The following CDC73 variants were observed in gnomAD, a reference collection of about 807,000 sequenced individuals.
CDC73 encodes the protein cell division cycle 73.
CDC73 carries 21 observed loss-of-function variants against 83.7 expected under a neutral mutation model. The observed-to-expected ratio is 0.25, with a 90% confidence interval of 0.18 to 0.36. The LOEUF (loss-of-function observed/expected upper bound fraction) is 0.36, where lower values mean the gene tolerates loss of function less well. CDC73 is among the 10% of genes least tolerant of loss of function. The pLI, the probability that CDC73 is intolerant of heterozygous loss-of-function variation, is 1.00. For synonymous variants in CDC73, 224 were observed against 212.9 expected, an observed-to-expected ratio of 1.05 and a Z score of -0.45; for missense variants, 342 against 653.3, an observed-to-expected ratio of 0.52 and a Z score of 5.19.
Position 193,147,142 on chromosome 1 carries a change from A to G in CDC73, c.730-725A>G, listed in dbSNP as rs186128685. On this transcript the variant is annotated intron_variant, in intron 7 of 16. Transcript: ENST00000367435. ...CAAGTAGCTGACACTATAGGTGTCC[A>G]CCACCACGCCCAGCTAATTTTTTGT... Among the ~76,000 whole-genome samples, 275 of 151,654 alleles carry G rather than the reference A, an allele frequency of 1.8e-3. 1 individual carries two copies. Among genetic ancestry groups the G allele is most frequent in the African/African-American group, 6.4e-3 (263 of 41,338 alleles).
At chr1:193,148,590 C>T (rs1266898551) in intron 8 of CDC73, among the ~76,000 whole-genome samples, 2 of 143,792 alleles carry the variant, frequency 1.4e-5, no homozygotes, top group African/African-American at 5.2e-5. Context: ...GAAATTGTTT[C>T]TATTTTCTGC....
Position 193,252,035 on chromosome 1 carries a change from C to G in CDC73, c.*1323C>G, listed in dbSNP as rs1291584115. 4.3e-6 allele frequency: 1 copy of G among 231,160 alleles called. No homozygotes were observed. Among genetic ancestry groups the G allele is most frequent in the Non-Finnish European group, 8.6e-6 (1 of 116,898 alleles). 14.3% of individuals were successfully genotyped at this position (231,160 alleles called of 1,614,324 possible). A position where few individuals can be genotyped will look rare whatever the true frequency, so the allele number is the denominator to read the frequency against. On this transcript the variant is annotated 3_prime_UTR_variant, in exon 17 of 17. Coordinates refer to ENST00000367435, the MANE Select transcript of CDC73 (RefSeq NM_024529.5). Reference sequence around the variant, plus strand: ...TAGGTATTAAGCTGACATTATCTAGCTTCTTAATGAAATTTAACACTGTCA... The same window carrying G: ...TAGGTATTAAGCTGACATTATCTAGGTTCTTAATGAAATTTAACACTGTCA...
intron 10 of CDC73, among the ~76,000 whole-genome samples, chr1:193,159,765 T>G (rs1377126811): frequency 6.6e-6 from 1 of 152,226 alleles, no homozygotes; most frequent in East Asian, 1.9e-4. Flanking sequence ...TTATACTGAA[T>G]AATACAGATA....
intron 2 of CDC73, among the ~76,000 whole-genome samples, chr1:193,126,759 T>C (rs1267235693): frequency 6.6e-6 from 1 of 152,182 alleles, no homozygotes; most frequent in Non-Finnish European, 1.5e-5. Context: ...CTTAAAACAA[T>C]CTTCTTAAAC....
At chr1:193,209,271 G>A (rs1443693228) in intron 11 of CDC73, among the ~76,000 whole-genome samples, 4 of 152,134 alleles carry the variant, frequency 2.6e-5, no homozygotes, top group Admixed American at 2.0e-4. Flanking sequence ...CTTGAGTAGC[G>A]GTAGTAGTAG....
chr1:193,170,641 T>G (rs757813373), intron 10 of CDC73, among the ~76,000 whole-genome samples: 3 of 152,194 alleles, frequency 2.0e-5, no homozygotes, highest in African/African-American at 2.4e-5. Context: ...TGTTGTTGTT[T>G]ATTTGTTTAA....
chr1:193,158,404 A>G (rs543312833), intron 10 of CDC73, among the ~76,000 whole-genome samples: 2 of 152,054 alleles, frequency 1.3e-5, no homozygotes, highest in East Asian at 3.9e-4. Flanking sequence ...GCTCACAGCT[A>G]TAATCCTAGA....
chr1:193,139,345 C>T (rs1223545547), intron 6 of CDC73, among the ~76,000 whole-genome samples: 2 of 151,656 alleles, frequency 1.3e-5, no homozygotes, highest in African/African-American at 4.8e-5. Flanking sequence ...CGGCTCACTG[C>T]AACCTCTGCC....
intron 13 of CDC73, among the ~76,000 whole-genome samples, chr1:193,218,095 C>G (rs1393590817): frequency 6.6e-6 from 1 of 152,104 alleles, no homozygotes; most frequent in Non-Finnish European, 1.5e-5. Context: ...AGTAGAATTT[C>G]TATACACTAG....
chr1:193,156,125 A>C (rs944931458), intron 10 of CDC73, among the ~76,000 whole-genome samples: 1 of 152,178 alleles, frequency 6.6e-6, no homozygotes, highest in Non-Finnish European at 1.5e-5. Context: ...GGATATAATG[A>C]AGGTCTGTTT....
At chr1:193,209,679 T>C (rs1379570108) in intron 11 of CDC73, among the ~76,000 whole-genome samples, 1 of 152,230 alleles carries the variant, frequency 6.6e-6, no homozygotes, top group East Asian at 1.9e-4. Flanking sequence ...CTTTTTTAAC[T>C]AAACCTCTAA....
chr1:193,249,683 TTTTTA>T, intron 15 of CDC73, 42 bp from the exon 16 acceptor site: 2 of 1,509,022 alleles, frequency 1.3e-6, no homozygotes, highest in Non-Finnish European at 1.8e-6. Context: ...TTTTTCTTTT[TTTTTA>T]TTTTGAGTAA....
chr1:193,177,137 A>G (rs1250667133), intron 10 of CDC73, among the ~76,000 whole-genome samples: 1 of 152,076 alleles, frequency 6.6e-6, no homozygotes, highest in East Asian at 1.9e-4. Flanking sequence ...GAATGGGAAT[A>G]TAAAGGGACA....
At chr1:193,196,632 A>C (rs1677007411) in intron 10 of CDC73, among the ~76,000 whole-genome samples, 1 of 152,138 alleles carries the variant, frequency 6.6e-6, no homozygotes, top group African/African-American at 2.4e-5. Flanking sequence ...TTTTAGCAAT[A>C]TTTTATAGTT....
At chr1:193,131,326 C>T (rs1675689689) in intron 3 of CDC73, among the ~76,000 whole-genome samples, 1 of 152,222 alleles carries the variant, frequency 6.6e-6, no homozygotes, top group Non-Finnish European at 1.5e-5. Flanking sequence ...ATCTTTGTCA[C>T]ATCTCACATC....
intron 10 of CDC73, among the ~76,000 whole-genome samples, chr1:193,197,476 A>T (rs971967737): frequency 6.6e-6 from 1 of 152,206 alleles, no homozygotes; most frequent in African/African-American, 2.4e-5. Context: ...AAGTAACTAA[A>T]TACATATGTA....
intron 10 of CDC73, among the ~76,000 whole-genome samples, chr1:193,183,172 A>G (rs767823125): frequency 6.6e-6 from 1 of 151,714 alleles, no homozygotes; most frequent in Non-Finnish European, 1.5e-5. Context: ...GAAAATATTG[A>G]TTGAAAGTGT....
intron 2 of CDC73, 81 bp downstream of exon 2, chr1:193,125,298 G>T (rs1675545630): frequency 1.1e-6 from 1 of 901,080 alleles, no homozygotes; most frequent in East Asian, 2.6e-5. Flanking sequence ...TGGCCTTGTT[G>T]CCCGGGCTAG....
chr1:193,225,272 A>ATATC (rs1202275735), intron 13 of CDC73, among the ~76,000 whole-genome samples: 3 of 148,564 alleles, frequency 2.0e-5, no homozygotes, highest in Non-Finnish European at 4.5e-5. Flanking sequence ...ATATATATAT[A>ATATC]TCCACATACT....
Sources: gnomAD v4.1 joint callset for allele counts (sites outside exome capture counted in the v4.1 genomes callset) on GRCh38, gnomAD v4.1.1 for gene constraint, MANE v1.5 for transcripts, NCBI Gene and HGNC (gene_info 2026-07-23, HGNC 2026-07-21) for gene names.